The following AP1S3 variants were observed in gnomAD, a reference collection of about 807,000 sequenced individuals.
AP1S3 encodes the protein adaptor related protein complex 1 subunit sigma 3.
A neutral mutation model predicts 20.9 loss-of-function variants in AP1S3; 10 were observed. That is an observed-to-expected ratio of 0.48 (90% CI 0.29 to 0.81). The LOEUF (loss-of-function observed/expected upper bound fraction) is 0.81. Ranked by LOEUF, AP1S3 falls within the 30% of genes least tolerant of loss-of-function variation. The pLI is 0.08. For missense variants in AP1S3, 154 were observed against 183.8 expected (o/e 0.84, Z 0.94); for synonymous variants, 41 against 61.5 (o/e 0.67, Z 1.56).
chr2:223,821,929 T>C (rs1056071296), intron 1 of AP1S3, among the ~76,000 whole-genome samples: 1 of 134,346 alleles, frequency 7.4e-6, no homozygotes, highest in Non-Finnish European at 1.7e-5. Flanking sequence ...CAAGTTCTCA[T>C]TTGACAACCA....
At chr2:223,822,014 C>A (rs1337691412) in intron 1 of AP1S3, among the ~76,000 whole-genome samples, 1 of 152,076 alleles carries the variant, frequency 6.6e-6, no homozygotes, top group Non-Finnish European at 1.5e-5. Context: ...GAAACGAAGT[C>A]CCCTCATCGT....
In AP1S3 at chr2:223,758,614, T is replaced by A; in HGVS notation, c.*101A>T. The A allele has an allele frequency of 7.1e-7, 1 of 1,409,978 alleles. No homozygotes were observed. The highest frequency in any genetic ancestry group is 9.3e-7 in the Non-Finnish European group (1 of 1,077,196). 87.3% of individuals were successfully genotyped at this position (1,409,978 alleles called of 1,614,324 possible). On this transcript the variant is annotated 3_prime_UTR_variant, in exon 5 of 5. Coordinates refer to ENST00000396654, the MANE Select transcript of AP1S3 (RefSeq NM_001039569.2). ...AACAAAGAATCCCTTTAAATTATTT[T>A]TGGCATGGTGCCTGAGGCTCCATCA...
At chr2:223,796,821 G>A (rs772394072) in intron 1 of AP1S3, among the ~76,000 whole-genome samples, 6 of 152,088 alleles carry the variant, frequency 3.9e-5, no homozygotes, top group Non-Finnish European at 7.3e-5. Context: ...CCGCCACTGC[G>A]CCCAGCTAAT....
At chr2:223,809,085 C>T (rs1189181055) in intron 1 of AP1S3, among the ~76,000 whole-genome samples, 1 of 152,232 alleles carries the variant, frequency 6.6e-6, no homozygotes, top group African/African-American at 2.4e-5. Flanking sequence ...TGCTCCCTTA[C>T]AATCTGTTAT....
chr2:223,826,850 A>C (rs181068516), intron 1 of AP1S3, among the ~76,000 whole-genome samples: 142 of 152,160 alleles, frequency 9.3e-4, no homozygotes, highest in Middle Eastern at 3.4e-3. Context: ...AACTTTGCTC[A>C]AGAGGCTATG....
intron 1 of AP1S3, among the ~76,000 whole-genome samples, chr2:223,814,368 G>A (rs1691797833): frequency 6.6e-6 from 1 of 152,164 alleles, no homozygotes; most frequent in African/African-American, 2.4e-5. Context: ...GCCCCATCTA[G>A]TTCATAGCCG....
intron 3 of AP1S3, chr2:223,770,314 G>A (rs1690588139): frequency 6.5e-7 from 1 of 1,550,334 alleles, no homozygotes; most frequent in African/African-American, 1.4e-5. Flanking sequence ...GGAGAAACCA[G>A]CAATTAAACT....
chr2:223,814,371 C>T (rs1454225690), intron 1 of AP1S3, among the ~76,000 whole-genome samples: 1 of 152,178 alleles, frequency 6.6e-6, no homozygotes, highest in African/African-American at 2.4e-5. Context: ...CCATCTAGTT[C>T]ATAGCCGGCA....
chr2:223,831,143 C>CT, intron 1 of AP1S3, among the ~76,000 whole-genome samples: 1 of 152,188 alleles, frequency 6.6e-6, no homozygotes, highest in Admixed American at 6.5e-5. Context: ...GCCCCTTTCT[C>CT]TTTTGGAGAT....
intron 1 of AP1S3, among the ~76,000 whole-genome samples, chr2:223,783,039 A>G (rs1690986478): frequency 6.6e-6 from 1 of 152,206 alleles, no homozygotes; most frequent in Admixed American, 6.5e-5. Context: ...GAGAGTAGGA[A>G]AAAAAAGGCA....
At chr2:223,766,920 T>C (rs1444718893) in intron 3 of AP1S3, among the ~76,000 whole-genome samples, 1 of 152,116 alleles carries the variant, frequency 6.6e-6, no homozygotes, top group Non-Finnish European at 1.5e-5. Flanking sequence ...CAGATGAAGA[T>C]GGAAACCATC....
At chr2:223,808,719 G>A (rs534256723) in intron 1 of AP1S3, among the ~76,000 whole-genome samples, 1 of 152,270 alleles carries the variant, frequency 6.6e-6, no homozygotes, top group African/African-American at 2.4e-5. Context: ...AAATTTAATA[G>A]GCTTGGCTGG....
chr2:223,831,153 T>C (rs1388584076), intron 1 of AP1S3, among the ~76,000 whole-genome samples: 1 of 152,028 alleles, frequency 6.6e-6, no homozygotes. Flanking sequence ...CTTTTGGAGA[T>C]AGGATCTCAC....
chr2:223,825,217 A>G (rs187695856), intron 1 of AP1S3, among the ~76,000 whole-genome samples: 5 of 151,758 alleles, frequency 3.3e-5, no homozygotes, highest in Non-Finnish European at 7.4e-5. Flanking sequence ...TGAGGCTGAG[A>G]TAGGAGAATG....
chr2:223,828,810 T>C (rs12473176), intron 1 of AP1S3, among the ~76,000 whole-genome samples: 73,484 of 151,922 alleles, frequency 0.48, 17,868 homozygotes, highest in Middle Eastern at 0.57. Context: ...TTGAAATTCC[T>C]GGTAAACTTT....
intron 1 of AP1S3, among the ~76,000 whole-genome samples, chr2:223,785,923 C>A (rs1315453081): frequency 6.6e-6 from 1 of 152,180 alleles, no homozygotes; most frequent in South Asian, 2.1e-4. Context: ...CTCCCTGAAT[C>A]TAAAATATAG....
At chr2:223,774,540 A>G (rs1237436681) in intron 3 of AP1S3, among the ~76,000 whole-genome samples, 1 of 152,074 alleles carries the variant, frequency 6.6e-6, no homozygotes, top group Admixed American at 6.6e-5. Flanking sequence ...TGCCACACCT[A>G]TATCTGGTTT....
rs557074410 is a variant in AP1S3 at position 223,776,118 on chromosome 2, A to G, written c.183-109T>C. ...CTCCTCCCCCGCCGAGCCTCTCCTC[A>G]TCCAAGAATGAAATCATTATTCATC... On this transcript the variant is annotated intron_variant, in intron 2 of 4. Transcript: ENST00000396654. The G allele has an allele frequency of 7.9e-5, 61 of 771,344 alleles. No individual in the cohort carries two copies. In the East Asian group the frequency reaches 1.5e-3, roughly 19 times the overall value. The allele number at this position is 771,344 out of a possible 1,614,324, so 47.8% of individuals were successfully genotyped here.
chr2:223,780,308 TAGAGAGAGAGAGAGAGAGAGAGAG>T (rs527550327), intron 1 of AP1S3, among the ~76,000 whole-genome samples: 1 of 62,038 alleles, frequency 1.6e-5, no homozygotes, highest in African/African-American at 7.4e-5. Context: ...TATATATATA[TAGAGAGAGAGAGAGAGAGAGAGAG>T]AGAGAGAGAG....
Sources: allele counts gnomAD v4.1 joint callset (sites outside exome capture counted in the v4.1 genomes callset), GRCh38; gene constraint gnomAD v4.1.1; transcripts MANE v1.5; gene names NCBI Gene and HGNC (gene_info 2026-07-23, HGNC 2026-07-21).